Variants in KIRREL3 observed in about 807,000 individuals in gnomAD.
KIRREL3 encodes kin of IRRE-like protein 3.
KIRREL3 carries 36 observed loss-of-function variants against 89.7 expected under a neutral mutation model. That is an observed-to-expected ratio of 0.40 (90% CI 0.31 to 0.53). KIRREL3 has a LOEUF of 0.53. Ranked by LOEUF, KIRREL3 falls within the 20% of genes least tolerant of loss-of-function variation. KIRREL3 has a pLI of 0.49. For missense variants in KIRREL3, 864 were observed against 1,056.6 expected, an observed-to-expected ratio of 0.82 and a Z score of 2.53; for synonymous variants, 445 against 441.4, an observed-to-expected ratio of 1.01 and a Z score of -0.10.
intron 1 of KIRREL3, among the ~76,000 whole-genome samples, chr11:126,720,587 A>G (rs1422362125): frequency 6.6e-6 from 1 of 152,260 alleles, no homozygotes; most frequent in Non-Finnish European, 1.5e-5. Flanking sequence ...AGGAGTTTAA[A>G]TTAGTTCACT....
intron 1 of KIRREL3, among the ~76,000 whole-genome samples, chr11:126,979,176 C>G (rs1156962255): frequency 2.6e-5 from 4 of 152,182 alleles, no homozygotes; most frequent in Non-Finnish European, 4.4e-5. Flanking sequence ...GTCAATGCTC[C>G]ACAGACCACA....
chr11:126,864,518 A>G (rs796471171), intron 1 of KIRREL3, among the ~76,000 whole-genome samples: 1 of 151,944 alleles, frequency 6.6e-6, no homozygotes, highest in East Asian at 1.9e-4. Flanking sequence ...GCATTGCCCC[A>G]CTCCTGTTAG....
At chr11:126,923,171 TTCTTC>T (rs869282633) in intron 1 of KIRREL3, among the ~76,000 whole-genome samples, 1,027 of 21,490 alleles carry the variant, frequency 0.048, 283 homozygotes, top group Non-Finnish European at 0.062. Flanking sequence ...CTTCTTCTTC[TTCTTC>T]TCTTCTTCTT....
At position 126,683,651 on chromosome 11, in the gene KIRREL3, C is replaced by T. The variant is rs544872301; in HGVS notation, c.56-120739G>A. The stretch of plus-strand genomic sequence containing the variant: ...TTGGCCAGGGCATTGACGGCAGAAT[C>T]GTAAGGATCACAGAGACCTCAGGAA... On this transcript the variant is annotated intron_variant, in intron 1 of 16. Transcript: ENST00000525144. The surrounding 1 kb of genome is among the most constrained non-coding windows in gnomAD (Gnocchi z 5.2). Among the ~76,000 whole-genome samples the T allele has an allele frequency of 4.6e-5, 7 of 152,304 alleles. No individual in the cohort carries two copies. The South Asian group carries it at 8.3e-4, about 18-fold the overall frequency.
At chr11:126,631,067 T>C (rs772993711) in intron 1 of KIRREL3, among the ~76,000 whole-genome samples, 1 of 152,216 alleles carries the variant, frequency 6.6e-6, no homozygotes, top group African/African-American at 2.4e-5. Flanking sequence ...AGTGACACAG[T>C]AGCTACTTCG....
At position 126,900,754 on chromosome 11, in the gene KIRREL3, G is replaced by A. The variant is rs910323755; in HGVS notation, c.55+99701C>T. On this transcript the variant is annotated intron_variant, in intron 1 of 16. Transcript: ENST00000525144. This position sits in a 1 kb window ranked among gnomAD's most constrained non-coding sequence, Gnocchi z 4.4. ...GATGGGCAAGGGTATCAATGGTTCA[G>A]GCAAAGTATTGATTGTATATCTTCA... Among the ~76,000 whole-genome samples, 1 of 152,168 alleles carries A rather than the reference G, an allele frequency of 6.6e-6. No homozygotes were observed. The highest frequency in any genetic ancestry group is 2.4e-5 in the African/African-American group (1 of 41,426).
intron 1 of KIRREL3, among the ~76,000 whole-genome samples, chr11:126,889,511 G>A (rs187215716): frequency 6.6e-6 from 1 of 152,104 alleles, no homozygotes; most frequent in East Asian, 1.9e-4. Context: ...AAAAAAAAAG[G>A]AGAAGAAAAA....
rs1226414950 is a variant in KIRREL3, at chr11:126,635,085, C to T, written c.56-72173G>A. Among the ~76,000 whole-genome samples the T allele has an allele frequency of 6.6e-6, 1 of 152,232 alleles. No homozygotes were observed. Among genetic ancestry groups the T allele is most frequent in the African/African-American group, 2.4e-5 (1 of 41,464 alleles). On this transcript the variant is annotated intron_variant, in intron 1 of 16. Coordinates refer to ENST00000525144, the MANE Select transcript of KIRREL3 (RefSeq NM_032531.4). The surrounding 1 kb of genome is among the most constrained non-coding windows in gnomAD (Gnocchi z 4.0). ...ATAGTCTGAGAATGAGCACAAAGAACACTTTTTCTTTTAAGGATTGACCTT... is the reference window on the plus strand; with the variant it reads ...ATAGTCTGAGAATGAGCACAAAGAATACTTTTTCTTTTAAGGATTGACCTT...
chr11:126,826,112 C>G (rs541628412), intron 1 of KIRREL3, among the ~76,000 whole-genome samples: 1 of 152,126 alleles, frequency 6.6e-6, no homozygotes, highest in South Asian at 2.1e-4. Flanking sequence ...CACCCCATTA[C>G]GCTTGCCCCC....
intron 1 of KIRREL3, among the ~76,000 whole-genome samples, chr11:126,728,203 G>A (rs977183250): frequency 2.0e-5 from 3 of 152,134 alleles, no homozygotes; most frequent in African/African-American, 7.2e-5. Flanking sequence ...ACACCAGGAG[G>A]GGCAGGGTCA....
intron 11 of KIRREL3, among the ~76,000 whole-genome samples, chr11:126,439,255 C>G (rs1273001767): frequency 6.6e-6 from 1 of 151,922 alleles, no homozygotes; most frequent in Non-Finnish European, 1.5e-5. Flanking sequence ...TGCTTGAACC[C>G]AGGAAGTGGA....
At chr11:126,784,912 A>G (rs1040148621) in intron 1 of KIRREL3, among the ~76,000 whole-genome samples, 1 of 152,232 alleles carries the variant, frequency 6.6e-6, no homozygotes, top group Admixed American at 6.5e-5. Flanking sequence ...GAGAAACCCC[A>G]TGAACATCCA....
At chr11:126,784,864 A>G (rs1443271332) in intron 1 of KIRREL3, among the ~76,000 whole-genome samples, 1 of 152,230 alleles carries the variant, frequency 6.6e-6, no homozygotes, top group Non-Finnish European at 1.5e-5. Context: ...ATAGTCAATT[A>G]CATCATAGAT....
At position 126,697,056 on chromosome 11, in the gene KIRREL3, C is replaced by G. The variant is rs750876634; in HGVS notation, c.56-134144G>C. Reference sequence around the variant, plus strand: ...TGCCTGCACAAACCCACTGTTCTTTCGCTCAGGGTGCTCTGCCCTGCGACT... The same window carrying G: ...TGCCTGCACAAACCCACTGTTCTTTGGCTCAGGGTGCTCTGCCCTGCGACT... On this transcript the variant is annotated intron_variant, in intron 1 of 16. Transcript: ENST00000525144. The surrounding 1 kb of genome is among the most constrained non-coding windows in gnomAD (Gnocchi z 4.2). Among the ~76,000 whole-genome samples the G allele has an allele frequency of 4.6e-5, 7 of 152,172 alleles. No individual in the cohort carries two copies. Among genetic ancestry groups the G allele is most frequent in the Non-Finnish European group, 1.0e-4 (7 of 68,024 alleles).
rs886463193 is a variant in KIRREL3 at position 126,624,541 on chromosome 11, C to T, written c.56-61629G>A. On this transcript the variant is annotated intron_variant, in intron 1 of 16. Coordinates refer to ENST00000525144, the MANE Select transcript of KIRREL3 (RefSeq NM_032531.4). This position sits in a 1 kb window ranked among gnomAD's most constrained non-coding sequence, Gnocchi z 6.0. ...AACCCTGGTTTCCCCTTCCCATTCC[C>T]GGTGCCTTCCCAGTGTGCTTGGAAC... Among the ~76,000 whole-genome samples the T allele has an allele frequency of 3.3e-5, 5 of 152,160 alleles. No homozygotes were observed. The highest frequency in any genetic ancestry group is 1.9e-4 in the East Asian group (1 of 5,190).
chr11:126,779,972 G>A (rs762055607), intron 1 of KIRREL3, among the ~76,000 whole-genome samples: 11 of 152,100 alleles, frequency 7.2e-5, no homozygotes, highest in South Asian at 2.1e-4. Context: ...CAGAGCCCAC[G>A]GGAGCATCTA....
intron 1 of KIRREL3, among the ~76,000 whole-genome samples, chr11:126,832,859 GGT>G (rs756555582): frequency 1.3e-5 from 2 of 152,154 alleles, no homozygotes; most frequent in Non-Finnish European, 2.9e-5. Flanking sequence ...GTTTCTGTTT[GGT>G]GTGCAGACGG....
chr11:126,820,618 G>A (rs1943177834), intron 1 of KIRREL3, among the ~76,000 whole-genome samples: 1 of 152,154 alleles, frequency 6.6e-6, no homozygotes, highest in Non-Finnish European at 1.5e-5. Flanking sequence ...GCAAGTTGTA[G>A]GGTGTTGATT....
intron 1 of KIRREL3, among the ~76,000 whole-genome samples, chr11:126,960,062 C>T (rs939688090): frequency 1.3e-5 from 2 of 152,006 alleles, no homozygotes; most frequent in Admixed American, 6.6e-5. Flanking sequence ...ACATGACTGA[C>T]ATCTGAATGA....
Sources: gnomAD v4.1 joint callset for allele counts (sites outside exome capture counted in the v4.1 genomes callset) on GRCh38, gnomAD v4.1.1 for gene constraint, Gnocchi (gnomAD v3.1) non-coding constraint, MANE v1.5 for transcripts, NCBI Gene and HGNC (gene_info 2026-07-23, HGNC 2026-07-21) for gene names.